The following XKR4 variants were observed in gnomAD, a reference collection of about 807,000 sequenced individuals.
The protein encoded by XKR4 is XK-related protein 4.
Under a neutral mutation model 53.9 loss-of-function variants are expected in XKR4, and 12 were observed. The observed-to-expected ratio is 0.22, with a 90% CI of 0.14 to 0.36. The LOEUF (loss-of-function observed/expected upper bound fraction) is 0.36, where lower values mean the gene tolerates loss of function less well. Ranked by LOEUF, XKR4 falls within the 10% of genes least tolerant of loss-of-function variation. The pLI, the probability that XKR4 is intolerant of heterozygous loss-of-function variation, is 1.00. For missense variants in XKR4, 799 were observed against 859.5 expected, an observed-to-expected ratio of 0.93 and a Z score of 0.88; for synonymous variants, 354 against 362.4, an observed-to-expected ratio of 0.98 and a Z score of 0.26.
intron 1 of XKR4, among the ~76,000 whole-genome samples, chr8:55,257,665 A>G (rs146851011): frequency 1.1e-4 from 17 of 152,302 alleles, no homozygotes; most frequent in African/African-American, 3.8e-4. Context: ...CTAAATACTC[A>G]TGGGTTTGCA....
intron 2 of XKR4, among the ~76,000 whole-genome samples, chr8:55,410,307 G>A (rs1007153451): frequency 2.0e-5 from 3 of 152,086 alleles, no homozygotes; most frequent in Non-Finnish European, 4.4e-5. Flanking sequence ...TGGCTGTGAT[G>A]GCTTTCCAAG....
chr8:55,205,977 C>T (rs551508672), intron 1 of XKR4, among the ~76,000 whole-genome samples: 100 of 152,184 alleles, frequency 6.6e-4, no homozygotes, highest in African/African-American at 2.4e-3. Context: ...GGAGTCAAGC[C>T]ACAGACCTTT....
intron 2 of XKR4, among the ~76,000 whole-genome samples, chr8:55,420,529 G>A (rs377497407): frequency 7.5e-5 from 11 of 147,604 alleles, no homozygotes; most frequent in South Asian, 6.3e-4. Context: ...GTAAACTATC[G>A]CAAGAACAAA....
intron 1 of XKR4, among the ~76,000 whole-genome samples, chr8:55,165,311 C>G (rs533390790): frequency 6.6e-6 from 1 of 151,714 alleles, no homozygotes; most frequent in East Asian, 1.9e-4. Context: ...AGATCTTTGA[C>G]CATGTAATGA....
chr8:55,162,184 A>G (rs1816994332), intron 1 of XKR4, among the ~76,000 whole-genome samples: 1 of 152,058 alleles, frequency 6.6e-6, no homozygotes, highest in Non-Finnish European at 1.5e-5. Flanking sequence ...TCTCCTCATG[A>G]TGTTCATCAC....
chr8:55,238,525 G>A (rs1006682005), intron 1 of XKR4, among the ~76,000 whole-genome samples: 1 of 152,102 alleles, frequency 6.6e-6, no homozygotes, highest in East Asian at 1.9e-4. Flanking sequence ...TGCCAGGAGG[G>A]GTCAAAGCCC....
intron 1 of XKR4, among the ~76,000 whole-genome samples, chr8:55,229,031 A>G (rs997537794): frequency 3.9e-5 from 6 of 152,244 alleles, no homozygotes; most frequent in Non-Finnish European, 5.9e-5. Flanking sequence ...CAAAACAACA[A>G]CAACAAAAAT....
chr8:55,289,045 T>C (rs1317839946), intron 1 of XKR4, among the ~76,000 whole-genome samples: 1 of 152,152 alleles, frequency 6.6e-6, no homozygotes, highest in Non-Finnish European at 1.5e-5. Context: ...TACCCATCAG[T>C]TTTTTGTCAT....
chr8:55,401,403 C>T (rs1028055094), intron 2 of XKR4, among the ~76,000 whole-genome samples: 1 of 152,228 alleles, frequency 6.6e-6, no homozygotes, highest in African/African-American at 2.4e-5. Flanking sequence ...TGGAAGTTCA[C>T]TAAAGCAGCT....
At chr8:55,285,332 G>A (rs185989198) in intron 1 of XKR4, among the ~76,000 whole-genome samples, 2 of 152,272 alleles carry the variant, frequency 1.3e-5, no homozygotes, top group East Asian at 1.9e-4. Context: ...AGGTGCAAGA[G>A]GAGGGACTCA....
chr8:55,478,627 C>T lies in XKR4; in HGVS notation c.1007-44654C>T, dbSNP rs540433532. ...GGCAAATTGGATAAAGAGTCAAGAC[C>T]CATCAGTGTGCTGTATTCAGGAAAA... On this transcript the variant is annotated intron_variant, in intron 2 of 2. Transcript: ENST00000327381. Among the ~76,000 whole-genome samples, 53 of 152,144 alleles carry T rather than the reference C, an allele frequency of 3.5e-4. 2 individuals are homozygous for T. In the East Asian group the frequency reaches 6.6e-3, roughly 19 times the overall value.
At position 55,168,468 on chromosome 8, in the gene XKR4, C is replaced by T. The variant is rs117478414; in HGVS notation, c.806+65174C>T. ...ATAATTTTAAAATGCATCCTATGTT[C>T]CCACTTCTGTGCACTTTTCTCTGTT... On this transcript the variant is annotated intron_variant, in intron 1 of 2. Coordinates refer to ENST00000327381, the MANE Select transcript of XKR4 (RefSeq NM_052898.2). Among the ~76,000 whole-genome samples the T allele has an allele frequency of 8.0e-3, 1,219 of 152,268 alleles. 7 individuals carry two copies. Among genetic ancestry groups the T allele is most frequent in the Non-Finnish European group, 0.014 (957 of 68,024 alleles).
rs117488266 is a variant in XKR4, at chr8:55,299,762, C to T, written c.807-57916C>T. Reference sequence around the variant, plus strand: ...GTGCGCTGAATGTCAGGTGCCTGATCCTCTAAGGCTGGAGGTGGGATATAG... The same window carrying T: ...GTGCGCTGAATGTCAGGTGCCTGATTCTCTAAGGCTGGAGGTGGGATATAG... On this transcript the variant is annotated intron_variant, in intron 1 of 2. Coordinates refer to ENST00000327381, the MANE Select transcript of XKR4 (RefSeq NM_052898.2). Among the ~76,000 whole-genome samples the T allele has an allele frequency of 1.1e-4, 17 of 152,148 alleles. No homozygotes were observed. The East Asian group carries it at 3.3e-3, about 29-fold the overall frequency.
chr8:55,219,802 G>T (rs1817856718), intron 1 of XKR4, among the ~76,000 whole-genome samples: 1 of 152,128 alleles, frequency 6.6e-6, no homozygotes, highest in East Asian at 1.9e-4. Flanking sequence ...CAAGGGCTCA[G>T]AAATAAAGTT....
chr8:55,423,047 TAAATC>T (rs2129392648), intron 2 of XKR4, among the ~76,000 whole-genome samples: 1 of 152,154 alleles, frequency 6.6e-6, no homozygotes, highest in South Asian at 2.1e-4. Context: ...CATAATCTAT[TAAATC>T]AACAACAACA....
intron 2 of XKR4, among the ~76,000 whole-genome samples, chr8:55,487,240 A>T (rs1325961438): frequency 4.6e-5 from 7 of 152,160 alleles, no homozygotes; most frequent in Non-Finnish European, 8.8e-5. Context: ...TGGAGTTCTG[A>T]TGTTCAAGAC....
At chr8:55,390,006 C>T (rs1804420724) in intron 2 of XKR4, among the ~76,000 whole-genome samples, 1 of 152,124 alleles carries the variant, frequency 6.6e-6, no homozygotes, top group Non-Finnish European at 1.5e-5. Flanking sequence ...CTCTGAAATG[C>T]CCCTCAGTCC....
chr8:55,515,464 T>G (rs1056960159), intron 2 of XKR4, among the ~76,000 whole-genome samples: 1 of 152,066 alleles, frequency 6.6e-6, no homozygotes, highest in Non-Finnish European at 1.5e-5. Flanking sequence ...AGCCAAGAGG[T>G]TCTACTGCTT....
At chr8:55,304,017 A>T (rs1563320017) in intron 1 of XKR4, among the ~76,000 whole-genome samples, 4 of 151,696 alleles carry the variant, frequency 2.6e-5, no homozygotes, top group Admixed American at 6.6e-5. Context: ...CTCTGATCTT[A>T]GTTATTTCTT....
Sources: allele counts gnomAD v4.1 joint callset (sites outside exome capture counted in the v4.1 genomes callset), GRCh38; gene constraint gnomAD v4.1.1; transcripts MANE v1.5; gene names NCBI Gene and HGNC (gene_info 2026-07-23, HGNC 2026-07-21).